The following ZNRF3 variants were observed in gnomAD, a reference collection of about 807,000 sequenced individuals.
ZNRF3 encodes the protein E3 ubiquitin-protein ligase ZNRF3.
In ZNRF3, 23 loss-of-function variants were observed where a neutral mutation model predicts 72.5. The ratio of observed to expected loss-of-function variants is 0.32; its 90% CI spans 0.23 to 0.45. ZNRF3 has a LOEUF of 0.45. Ranked by LOEUF, ZNRF3 falls within the 20% of genes least tolerant of loss-of-function variation. ZNRF3 has a pLI of 1.00. For missense variants in ZNRF3, 1,169 were observed against 1,272.1 expected (o/e 0.92, Z 1.23); for synonymous variants, 610 against 545.3 (o/e 1.12, Z -1.65).
At chr22:28,948,396 C>T (rs1293282880) in intron 1 of ZNRF3, among the ~76,000 whole-genome samples, 1 of 148,952 alleles carries the variant, frequency 6.7e-6, no homozygotes, top group Admixed American at 6.7e-5. Context: ...GAACTCTTGG[C>T]TTCAAGTGAT....
At position 28,938,777 on chromosome 22, in the gene ZNRF3, A is replaced by G. The variant is rs918345287; in HGVS notation, c.301-48299A>G. 3.3e-5 allele frequency among the ~76,000 whole-genome samples: 5 copies of G among 152,200 alleles called. No individual in the cohort carries two copies. The East Asian group carries it at 7.7e-4, about 23-fold the overall frequency. On this transcript the variant is annotated intron_variant, in intron 1 of 8. Coordinates refer to ENST00000544604, the MANE Select transcript of ZNRF3 (RefSeq NM_001206998.2). ...TATATATAAAACAAATGATTATGTG[A>G]TAAGTATTACATTAGAGTTTGTAAG...
In ZNRF3 at chr22:29,049,669, C is replaced by T. The variant is rs1423576085; in HGVS notation, c.1488C>T (p.Ala496=). The change falls in exon 8 of 9, where the codon GCC becomes GCT. Residue 496 remains alanine (A), a synonymous_variant. Coordinates refer to ENST00000544604, the MANE Select transcript of ZNRF3 (RefSeq NM_001206998.2). The surrounding 1 kb of genome is among the most constrained non-coding windows in gnomAD (Gnocchi z 5.2). ...SPPSLAPRGP[A]RAFPPSGSGS... ...CTAGCCTCGCACCCCGGGGCCCGGC[C>T]CGTGCCTTTCCTCCGAGCGGCAGTG... 2 of 1,608,876 alleles carry T rather than the reference C, an allele frequency of 1.2e-6. No homozygotes were observed. The highest frequency in any genetic ancestry group is 2.7e-5 in the African/African-American group (2 of 74,916).
Position 29,053,662 on chromosome 22 carries a change from G to T in ZNRF3, c.*40G>T. ...CTTACCTGGAAATTGGGAACTGTAT[G>T]GAGACTCCAAACTGACTTCTTTCAA... On this transcript the variant is annotated 3_prime_UTR_variant, in exon 9 of 9. Transcript: ENST00000544604. 6.3e-7 allele frequency: 1 copy of T among 1,584,924 alleles called. No individual in the cohort carries two copies. Among genetic ancestry groups the T allele is most frequent in the Non-Finnish European group, 8.6e-7 (1 of 1,166,710 alleles).
At chr22:28,915,320 CTCT>C (rs2034389576) in intron 1 of ZNRF3, among the ~76,000 whole-genome samples, 1 of 152,200 alleles carries the variant, frequency 6.6e-6, no homozygotes, top group African/African-American at 2.4e-5. Context: ...TCCAAATTTT[CTCT>C]TCTTATAAGG....
At chr22:28,946,147 G>C (rs2035048810) in intron 1 of ZNRF3, among the ~76,000 whole-genome samples, 1 of 152,136 alleles carries the variant, frequency 6.6e-6, no homozygotes, top group African/African-American at 2.4e-5. Context: ...AAGCATTTCG[G>C]ATAAGGGACA....
chr22:28,970,548 A>G (rs985406725), intron 1 of ZNRF3, among the ~76,000 whole-genome samples: 4 of 152,222 alleles, frequency 2.6e-5, no homozygotes, highest in Admixed American at 1.3e-4. Context: ...TGTCTACGCA[A>G]ACCTACTCAA....
chr22:28,937,730 C>G (rs2034866427), intron 1 of ZNRF3, among the ~76,000 whole-genome samples: 1 of 152,178 alleles, frequency 6.6e-6, no homozygotes, highest in Non-Finnish European at 1.5e-5. Context: ...AGGAAATGAA[C>G]ATCGTCTTCA....
intron 2 of ZNRF3, among the ~76,000 whole-genome samples, chr22:29,020,776 G>GTTTT: frequency 2.3e-5 from 2 of 86,156 alleles, no homozygotes; most frequent in South Asian, 8.8e-4. Context: ...TGTGTGTGTG[G>GTTTT]GTGTGTGTGT....
At chr22:28,969,724 T>C (rs2035536448) in intron 1 of ZNRF3, among the ~76,000 whole-genome samples, 1 of 152,198 alleles carries the variant, frequency 6.6e-6, no homozygotes, top group Non-Finnish European at 1.5e-5. Flanking sequence ...GCATGACTTA[T>C]ATTTTAACAG....
chr22:28,949,935 C>T (rs912913570), intron 1 of ZNRF3, among the ~76,000 whole-genome samples: 1 of 147,662 alleles, frequency 6.8e-6, no homozygotes, highest in African/African-American at 2.5e-5. Flanking sequence ...GTGCTTTATG[C>T]GTATTTAACC....
At chr22:28,957,766 C>T (rs1033206067) in intron 1 of ZNRF3, among the ~76,000 whole-genome samples, 1 of 151,988 alleles carries the variant, frequency 6.6e-6, no homozygotes, top group African/African-American at 2.4e-5. Flanking sequence ...AGACCTTGGA[C>T]ATTACACTGA....
chr22:29,040,123 G>T (rs1269319295), intron 2 of ZNRF3, among the ~76,000 whole-genome samples: 3 of 152,078 alleles, frequency 2.0e-5, no homozygotes, highest in Non-Finnish European at 4.4e-5. Flanking sequence ...AGTGACCAAG[G>T]CTGGGAATTT....
intron 1 of ZNRF3, among the ~76,000 whole-genome samples, chr22:28,899,832 G>A (rs1465487793): frequency 6.6e-6 from 1 of 151,730 alleles, no homozygotes; most frequent in Non-Finnish European, 1.5e-5. Context: ...TGGGACCACA[G>A]GCGTGCACCA....
intron 1 of ZNRF3, among the ~76,000 whole-genome samples, chr22:28,906,116 G>C (rs1022776690): frequency 2.6e-5 from 4 of 152,234 alleles, no homozygotes; most frequent in Middle Eastern, 3.2e-3. Flanking sequence ...CTTGAGCCTA[G>C]GAGTTTGAGA....
intron 1 of ZNRF3, among the ~76,000 whole-genome samples, chr22:28,912,991 G>T (rs1383590213): frequency 6.6e-6 from 1 of 152,204 alleles, no homozygotes; most frequent in African/African-American, 2.4e-5. Context: ...AATCCTTGCC[G>T]ATTTGAGTCT....
chr22:29,041,179 G>C (rs753831713), intron 2 of ZNRF3, among the ~76,000 whole-genome samples: 2 of 152,134 alleles, frequency 1.3e-5, no homozygotes, highest in Non-Finnish European at 2.9e-5. Flanking sequence ...ACAGGGTCTT[G>C]CTCTGTCACT....
intron 2 of ZNRF3, among the ~76,000 whole-genome samples, chr22:28,994,698 C>T (rs554092436): frequency 6.6e-6 from 1 of 152,200 alleles, no homozygotes; most frequent in East Asian, 1.9e-4. Flanking sequence ...TGCCACTGAA[C>T]TGTGCACTTA....
chr22:29,041,155 T>C (rs2036955342), intron 2 of ZNRF3, among the ~76,000 whole-genome samples: 1 of 152,144 alleles, frequency 6.6e-6, no homozygotes, highest in Non-Finnish European at 1.5e-5. Context: ...TATGTATGTA[T>C]ATATTTTGTG....
At chr22:28,960,039 G>A (rs2035329209) in intron 1 of ZNRF3, among the ~76,000 whole-genome samples, 1 of 152,206 alleles carries the variant, frequency 6.6e-6, no homozygotes, top group South Asian at 2.1e-4. Context: ...ACTTAGTTCA[G>A]ATAGAAAGTG....
Sources: gnomAD v4.1 joint callset for allele counts (sites outside exome capture counted in the v4.1 genomes callset) on GRCh38, gnomAD v4.1.1 for gene constraint, Gnocchi (gnomAD v3.1) non-coding constraint, MANE v1.5 for transcripts, NCBI Gene and HGNC (gene_info 2026-07-23, HGNC 2026-07-21) for gene names.